The following XPO5 variants were observed in gnomAD, a reference collection of about 807,000 sequenced individuals.
The protein encoded by XPO5 is exportin-5.
XPO5 carries 46 observed loss-of-function variants against 160.6 expected under a neutral mutation model. The ratio of observed to expected loss-of-function variants is 0.29; its 90% CI spans 0.23 to 0.37. The LOEUF is 0.37. XPO5 is among the 10% of genes least tolerant of loss of function. XPO5 has a pLI of 1.00. For missense variants in XPO5, 1,090 were observed against 1,463.9 expected, an observed-to-expected ratio of 0.74 and a Z score of 4.17; for synonymous variants, 537 against 519.3, an observed-to-expected ratio of 1.03 and a Z score of -0.46.
In XPO5 at chr6:43,568,652, C is replaced by T. The variant is rs150566022; in HGVS notation, c.648+59G>A. 671 of 1,414,418 alleles carry T rather than the reference C, an allele frequency of 4.7e-4. 3 individuals are homozygous for T. In the Middle Eastern group the frequency reaches 5.1e-3, roughly 11 times the overall value. 87.6% of individuals were successfully genotyped at this position (1,414,418 alleles called of 1,614,324 possible). On this transcript the variant is annotated intron_variant, in intron 6 of 31. Transcript: ENST00000265351. ...CTGAGGTCACCATCCACTAGGGGCACGTATCCCCTCACCTGAAAGGTTCAA... is the reference window on the plus strand; with the variant it reads ...CTGAGGTCACCATCCACTAGGGGCATGTATCCCCTCACCTGAAAGGTTCAA...
intron 2 of XPO5, 194 bp downstream of exon 2, chr6:43,573,286 T>C: frequency 4.4e-6 from 3 of 675,882 alleles, no homozygotes; most frequent in Non-Finnish European, 7.0e-6. Context: ...TTTACATGGA[T>C]GAAGAAACTG....
chr6:43,533,849 A>T (rs952431749), intron 21 of XPO5, 58 bp downstream of exon 21: 1 of 1,317,490 alleles, frequency 7.6e-7, no homozygotes, highest in Admixed American at 1.9e-5. Flanking sequence ...CAACAAAAAA[A>T]GGGGACATCC....
rs570117024 is a variant in XPO5, at chr6:43,526,516, T to C, written c.2983+169A>G. On this transcript the variant is annotated intron_variant, in intron 27 of 31. Transcript: ENST00000265351. ...AGAGGAAACAGCAAGTGCAAAGGCT[T>C]GGAGGTGGGAGTATGATGGAGGCAC... 144 of 686,770 alleles carry C rather than the reference T, an allele frequency of 2.1e-4. No homozygotes were observed. In the South Asian group the frequency reaches 2.4e-3, roughly 11 times the overall value. The allele number at this position is 686,770 out of a possible 1,614,324, so 42.5% of individuals were successfully genotyped here.
At position 43,567,894 on chromosome 6, in the gene XPO5, T is replaced by C. The variant is rs558750289; in HGVS notation, c.649-540A>G. ...GAAGCTGCAGTGAGCCACGTTTGCG[T>C]CACTGTACTCTAGCCTGGGTGACAA... On this transcript the variant is annotated intron_variant, in intron 6 of 31. Coordinates refer to ENST00000265351, the MANE Select transcript of XPO5 (RefSeq NM_020750.3). Among the ~76,000 whole-genome samples, 447 of 148,014 alleles carry C rather than the reference T, an allele frequency of 3.0e-3. 2 individuals carry two copies. The highest frequency in any genetic ancestry group is 0.026 in the South Asian group (125 of 4,718).
At chr6:43,574,930 T>C (rs922893651) in intron 1 of XPO5, among the ~76,000 whole-genome samples, 3 of 152,248 alleles carry the variant, frequency 2.0e-5, no homozygotes, top group Non-Finnish European at 4.4e-5. Context: ...ACTCTCTTTT[T>C]TGAAGTTAAC....
rs1177940735 is a variant in XPO5 at position 43,533,945 on chromosome 6, G to C, written c.2405C>G (p.Ala802Gly). Residue 802 changes from alanine (A) to glycine (G), a missense_variant, in exon 21 of 32, where the codon GCT becomes GGT. Coordinates refer to ENST00000265351, the MANE Select transcript of XPO5 (RefSeq NM_020750.3). ...LAKMAEPFTK[A>G]LDMLDAEKSA... Reference sequence around the variant, plus strand: ...TTTTTCCGCGTCAAGCATATCCAGAGCCTTGGTGAAAGGCTCTGCCATTTT... The same window carrying C: ...TTTTTCCGCGTCAAGCATATCCAGACCCTTGGTGAAAGGCTCTGCCATTTT... 3 of 1,607,570 alleles carry C rather than the reference G, an allele frequency of 1.9e-6. No homozygotes were observed. The highest frequency in any genetic ancestry group is 2.6e-6 in the Non-Finnish European group (3 of 1,176,032).
intron 20 of XPO5, among the ~76,000 whole-genome samples, chr6:43,540,081 C>A (rs941125492): frequency 6.6e-6 from 1 of 152,168 alleles, no homozygotes; most frequent in Non-Finnish European, 1.5e-5. Context: ...CATGATGAAA[C>A]CCTGTCTCTA....
rs147479127 is a variant in XPO5 at position 43,560,751 on chromosome 6, G to A, written c.1095+173C>T. 2.1e-3 allele frequency among the ~76,000 whole-genome samples: 313 copies of A among 152,304 alleles called. 2 individuals carry two copies. The highest frequency in any genetic ancestry group is 6.8e-3 in the African/African-American group (281 of 41,570). On this transcript the variant is annotated intron_variant, in intron 10 of 31. Transcript: ENST00000265351. ...AGCTGCTGACCTAGACAAGTGCACT[G>A]TTTGGCTCAGGAAGAAGAGCCAATA...
chr6:43,551,234 A>G, intron 15 of XPO5, 64 bp downstream of exon 15: 1 of 1,461,116 alleles, frequency 6.8e-7, no homozygotes, highest in Non-Finnish European at 9.1e-7. Flanking sequence ...CCAAAAAAAT[A>G]AAATAAATAA....
chr6:43,528,057 C>T, intron 25 of XPO5, 102 bp downstream of exon 25: 1 of 1,200,942 alleles, frequency 8.3e-7, no homozygotes, highest in Non-Finnish European at 1.2e-6. Flanking sequence ...CAACCTACTG[C>T]TCTTCTACCC....
At chr6:43,538,392 C>T (rs949600762) in intron 20 of XPO5, among the ~76,000 whole-genome samples, 2 of 151,904 alleles carry the variant, frequency 1.3e-5, no homozygotes, top group Non-Finnish European at 2.9e-5. Context: ...CTCAAGGATC[C>T]GCCTGCCTCG....
intron 20 of XPO5, chr6:43,538,697 G>A: frequency 2.3e-6 from 1 of 442,316 alleles, no homozygotes; most frequent in East Asian, 3.8e-5. Flanking sequence ...TTTCCTCTTT[G>A]GTACTGTTAA....
Position 43,523,722 on chromosome 6 carries a change from G to A in XPO5, c.*146C>T. 1.5e-6 allele frequency: 2 copies of A among 1,318,412 alleles called. No homozygotes were observed. Among genetic ancestry groups the A allele is most frequent in the African/African-American group, 1.4e-5 (1 of 69,404 alleles). The allele number at this position is 1,318,412 out of a possible 1,614,324, so 81.7% of individuals were successfully genotyped here. ...TTACTTCTGGTCCTGCACAGGGCCT[G>A]TTCTCTCCAGCTCCAGACCTGGATC... On this transcript the variant is annotated 3_prime_UTR_variant, in exon 32 of 32. Coordinates refer to ENST00000265351, the MANE Select transcript of XPO5 (RefSeq NM_020750.3).
intron 30 of XPO5, 56 bp from the exon 31 acceptor site, chr6:43,524,691 C>T: frequency 6.3e-7 from 1 of 1,592,538 alleles, no homozygotes; most frequent in Non-Finnish European, 8.6e-7. Flanking sequence ...GCCACCCTCC[C>T]CATTTCCTGC....
At position 43,530,641 on chromosome 6, in the gene XPO5, C is replaced by G. The variant is rs375689950; in HGVS notation, c.2677+47G>C. 9 of 1,601,244 alleles carry G rather than the reference C, an allele frequency of 5.6e-6. No homozygotes were observed. In the African/African-American group the frequency reaches 1.1e-4, roughly 19 times the overall value. ...GCTGTGACCTGTTTTGTTTCTCTCT[C>G]TAATTTTCTGACCTTTTGGGTTATG... is the stretch of plus-strand genomic sequence containing the variant. On this transcript the variant is annotated intron_variant, in intron 23 of 31. Coordinates refer to ENST00000265351, the MANE Select transcript of XPO5 (RefSeq NM_020750.3).
At chr6:43,566,585 G>T (rs1467958874) in intron 7 of XPO5, 49 of 380,766 alleles carry the variant, frequency 1.3e-4, no homozygotes, top group Middle Eastern at 9.0e-4. Flanking sequence ...GAGGAGGGCA[G>T]ATCACTTGAG....
At chr6:43,532,735 T>TA (rs952131644) in intron 21 of XPO5, among the ~76,000 whole-genome samples, 7 of 152,230 alleles carry the variant, frequency 4.6e-5, no homozygotes, top group African/African-American at 1.7e-4. Flanking sequence ...GGTCTCCCGA[T>TA]AAACACTCAG....
intron 26 of XPO5, chr6:43,527,136 C>A (rs6458339): frequency 4.3e-6 from 1 of 231,132 alleles, no homozygotes; most frequent in Non-Finnish European, 8.8e-6. Context: ...GGAAGTTATT[C>A]CTAATGAATC....
chr6:43,557,364 T>G (rs895980878), intron 12 of XPO5, among the ~76,000 whole-genome samples: 3 of 151,254 alleles, frequency 2.0e-5, no homozygotes, highest in Non-Finnish European at 4.4e-5. Context: ...AGGCAGAGGT[T>G]GCAGTGAGCC....
Sources: allele counts gnomAD v4.1 joint callset (sites outside exome capture counted in the v4.1 genomes callset), GRCh38; gene constraint gnomAD v4.1.1; transcripts MANE v1.5; gene names NCBI Gene and HGNC (gene_info 2026-07-23, HGNC 2026-07-21).